The following TOGARAM1 variants were observed in gnomAD, a reference collection of about 807,000 sequenced individuals.
TOGARAM1 encodes the protein TOG array regulator of axonemal microtubules 1.
Under a neutral mutation model 166.6 loss-of-function variants are expected in TOGARAM1, and 100 were observed. That is an observed-to-expected ratio of 0.60 (90% CI 0.51 to 0.71). TOGARAM1 has a LOEUF of 0.71. TOGARAM1 is among the 30% of genes least tolerant of loss of function. The pLI is 0.00. For synonymous variants in TOGARAM1, 758 were observed against 763.8 expected, an observed-to-expected ratio of 0.99 and a Z score of 0.13; for missense variants, 2,029 against 2,102.7, an observed-to-expected ratio of 0.96 and a Z score of 0.69.
At chr14:44,967,427 C>T (rs1345983569) in intron 1 of TOGARAM1, among the ~76,000 whole-genome samples, 1 of 152,056 alleles carries the variant, frequency 6.6e-6, no homozygotes, top group Non-Finnish European at 1.5e-5. Flanking sequence ...TTTAAGATTT[C>T]GTTACAGTTC....
At chr14:45,046,842 A>G (rs931678721) in intron 14 of TOGARAM1, 139 bp downstream of exon 14, 7 of 637,606 alleles carry the variant, frequency 1.1e-5, no homozygotes, top group Non-Finnish European at 1.6e-5. Flanking sequence ...GGATGGTCTT[A>G]TTTAACCAGT....
chr14:45,017,938 A>G (rs1022275289), intron 7 of TOGARAM1, among the ~76,000 whole-genome samples: 4 of 152,202 alleles, frequency 2.6e-5, no homozygotes, highest in African/African-American at 9.7e-5. Context: ...CTTAGTAGCA[A>G]GTAGTACCTC....
At chr14:45,049,923 T>A (rs1882279135) in intron 14 of TOGARAM1, among the ~76,000 whole-genome samples, 1 of 152,238 alleles carries the variant, frequency 6.6e-6, no homozygotes, top group South Asian at 2.1e-4. Context: ...TAGCCCATTT[T>A]GTCATTTCTT....
chr14:45,043,676 T>C lies in TOGARAM1; in HGVS notation c.3813-10T>C, dbSNP rs1881839803. The C allele has an allele frequency of 6.8e-7, 1 of 1,479,568 alleles. No homozygotes were observed. The highest frequency in any genetic ancestry group is 9.5e-7 in the Non-Finnish European group (1 of 1,057,692). The allele number at this position is 1,479,568 out of a possible 1,614,324, so 91.7% of individuals were successfully genotyped here. On this transcript the variant is annotated splice_polypyrimidine_tract_variant and intron_variant, in intron 11 of 19. Transcript: ENST00000361462. ...TTAACGAATGATCTTGTCATTTCTT[T>C]TTCTCATAGGGAGAAGAAAATTGAG...
chr14:45,047,006 C>T (rs960145350), intron 14 of TOGARAM1, among the ~76,000 whole-genome samples: 3 of 152,086 alleles, frequency 2.0e-5, no homozygotes, highest in African/African-American at 7.2e-5. Context: ...AGAAGAACTT[C>T]ATTATGGGCA....
intron 1 of TOGARAM1, among the ~76,000 whole-genome samples, chr14:44,985,568 G>T (rs146530309): frequency 0.019 from 2,857 of 152,276 alleles, 33 homozygotes; most frequent in African/African-American, 0.038. Context: ...AATAGGGTTT[G>T]TGCTCCTATG....
At chr14:45,022,715 C>T (rs370879593) in intron 7 of TOGARAM1, among the ~76,000 whole-genome samples, 60 of 152,128 alleles carry the variant, frequency 3.9e-4, no homozygotes, top group African/African-American at 9.9e-4. Context: ...TTACCCCATA[C>T]TCAGGGTCCT....
At chr14:45,006,573 A>T in intron 5 of TOGARAM1, 1 of 174,934 alleles carries the variant, frequency 5.7e-6, no homozygotes, top group Non-Finnish European at 1.2e-5. Flanking sequence ...TCATGTACTG[A>T]CCCTTCCAGT....
chr14:45,031,781 T>G (rs1881172854), intron 10 of TOGARAM1, among the ~76,000 whole-genome samples: 1 of 152,248 alleles, frequency 6.6e-6, no homozygotes, highest in African/African-American at 2.4e-5. Context: ...ACTGTAATTT[T>G]CCTCAAGACT....
chr14:44,969,207 T>G (rs1200719237), intron 1 of TOGARAM1, among the ~76,000 whole-genome samples: 2 of 149,204 alleles, frequency 1.3e-5, no homozygotes, highest in Non-Finnish European at 1.5e-5. Context: ...CAGGCTGGAG[T>G]GCAGTGCGAT....
In TOGARAM1 at chr14:45,071,700, CTTTT is replaced by C; in HGVS notation, c.4970-10_4970-7del. ...CTCTTTAAACATGTGTCTCTGTGTT[CTTTT>C]TGTTTAGACAATTACTTACTTCTAC... On this transcript the variant is annotated splice_polypyrimidine_tract_variant and splice_region_variant and intron_variant, in intron 18 of 19. Transcript: ENST00000361462. 6.3e-7 allele frequency: 1 copy of C among 1,589,590 alleles called. No homozygotes were observed. The highest frequency in any genetic ancestry group is 8.6e-7 in the Non-Finnish European group (1 of 1,164,384).
intron 1 of TOGARAM1, among the ~76,000 whole-genome samples, chr14:44,992,915 C>T (rs1168151837): frequency 6.6e-6 from 1 of 151,140 alleles, no homozygotes; most frequent in East Asian, 2.0e-4. Context: ...CCATGCCCGG[C>T]CTAATTTTTG....
Position 45,005,876 on chromosome 14 carries a change from T to C in TOGARAM1, c.2645-132T>C, listed in dbSNP as rs1887927962. 4.8e-6 allele frequency: 3 copies of C among 625,810 alleles called. No homozygotes were observed. In the East Asian group the frequency reaches 8.5e-5, roughly 18 times the overall value. The allele number at this position is 625,810 out of a possible 1,614,324, so 38.8% of individuals were successfully genotyped here. ...ATCGAAAGCCGAGGCTTTATTCAGC[T>C]TGTTCTCCCCAGTGACCAGCTATAA... is the stretch of plus-strand genomic sequence containing the variant. On this transcript the variant is annotated intron_variant, in intron 4 of 19. Coordinates refer to ENST00000361462, the MANE Select transcript of TOGARAM1 (RefSeq NM_001308120.2).
intron 18 of TOGARAM1, among the ~76,000 whole-genome samples, chr14:45,071,252 C>T (rs1329318298): frequency 6.1e-5 from 9 of 147,388 alleles, no homozygotes; most frequent in African/African-American, 1.7e-4. Flanking sequence ...ACTATGTTAT[C>T]GTTTGAAATA....
At chr14:45,070,097 G>A (rs534530647) in intron 18 of TOGARAM1, among the ~76,000 whole-genome samples, 74 of 152,166 alleles carry the variant, frequency 4.9e-4, no homozygotes, top group African/African-American at 1.7e-3. Context: ...CAGGAGAATG[G>A]CATGAACCCG....
chr14:45,070,265 G>A (rs376211074), intron 18 of TOGARAM1, among the ~76,000 whole-genome samples: 1 of 152,164 alleles, frequency 6.6e-6, no homozygotes, highest in Admixed American at 6.5e-5. Flanking sequence ...TATGCAAATG[G>A]ATGGTTCTTA....
At chr14:45,053,076 G>A (rs966609855) in intron 15 of TOGARAM1, among the ~76,000 whole-genome samples, 6 of 139,854 alleles carry the variant, frequency 4.3e-5, no homozygotes, top group African/African-American at 1.6e-4. Flanking sequence ...GTCTTGCTGT[G>A]CCACTAGGCT....
At chr14:45,024,233 A>G (rs1409223294) in intron 7 of TOGARAM1, among the ~76,000 whole-genome samples, 2 of 152,222 alleles carry the variant, frequency 1.3e-5, no homozygotes, top group African/African-American at 2.4e-5. Flanking sequence ...GTCTCAATTA[A>G]TAACTTGAGA....
chr14:45,008,431 A>T (rs568654935), intron 5 of TOGARAM1, among the ~76,000 whole-genome samples: 1 of 152,134 alleles, frequency 6.6e-6, no homozygotes, highest in Non-Finnish European at 1.5e-5. Context: ...TGGCTTCAGA[A>T]GTTACGTACA....
Sources: gnomAD v4.1 joint callset for allele counts (sites outside exome capture counted in the v4.1 genomes callset) on GRCh38, gnomAD v4.1.1 for gene constraint, MANE v1.5 for transcripts, NCBI Gene and HGNC (gene_info 2026-07-23, HGNC 2026-07-21) for gene names.